The following LCORL variants were observed in gnomAD, a reference collection of about 807,000 sequenced individuals.
LCORL encodes ligand-dependent nuclear receptor corepressor-like protein.
Under a neutral mutation model 141.8 loss-of-function variants are expected in LCORL, and 41 were observed. The ratio of observed to expected loss-of-function variants is 0.29; its 90% CI spans 0.23 to 0.38. The LOEUF is 0.38. Among genes scored for constraint, LCORL ranks in the 10% least tolerant of loss-of-function variants. LCORL has a pLI of 1.00. For synonymous variants in LCORL, 618 were observed against 694.1 expected (o/e 0.89, Z 1.72); for missense variants, 1,759 against 2,035.0 (o/e 0.86, Z 2.61).
chr4:17,969,993 A>G (rs543934770), intron 2 of LCORL, among the ~76,000 whole-genome samples: 1 of 152,276 alleles, frequency 6.6e-6, no homozygotes, highest in Non-Finnish European at 1.5e-5. Flanking sequence ...ATGTACTTTC[A>G]GCTTTGTGAT....
chr4:18,012,379 A>G (rs942503855), intron 1 of LCORL, among the ~76,000 whole-genome samples: 2 of 152,208 alleles, frequency 1.3e-5, no homozygotes, highest in Non-Finnish European at 2.9e-5. Context: ...GTCAGGCAGT[A>G]GGGCAATCTA....
intron 5 of LCORL, among the ~76,000 whole-genome samples, chr4:17,895,717 T>TC (rs1729824454): frequency 6.6e-6 from 1 of 152,198 alleles, no homozygotes; most frequent in South Asian, 2.1e-4. Context: ...GTCCTATGAC[T>TC]CCTGGCCTTT....
At chr4:17,936,637 T>C (rs1736908228) in intron 4 of LCORL, among the ~76,000 whole-genome samples, 1 of 152,216 alleles carries the variant, frequency 6.6e-6, no homozygotes, top group Non-Finnish European at 1.5e-5. Context: ...GAATTTTCAA[T>C]AGCAAGGAAT....
intron 7 of LCORL, among the ~76,000 whole-genome samples, chr4:17,858,748 A>G (rs1317646538): frequency 6.6e-6 from 1 of 151,450 alleles, no homozygotes; most frequent in African/African-American, 2.4e-5. Flanking sequence ...TAATAATAAT[A>G]ATAATAATAG....
At chr4:17,886,243 T>A (rs1728252796) in intron 5 of LCORL, 82 bp from the exon 6 acceptor site, 1 of 776,366 alleles carries the variant, frequency 1.3e-6, no homozygotes, top group Non-Finnish European at 2.2e-6. Context: ...ATTTTGTTGA[T>A]CTAATTCATA....
exon 7 of LCORL, chr4:17,876,215 C>A: frequency 8.1e-7 from 1 of 1,230,926 alleles, no homozygotes; most frequent in Non-Finnish European, 1.0e-6. Flanking sequence ...AAATAGATGA[C>A]TTTTTCAGAT....
intron 4 of LCORL, among the ~76,000 whole-genome samples, chr4:17,948,876 G>C (rs1739293334): frequency 6.6e-6 from 1 of 150,600 alleles, no homozygotes; most frequent in African/African-American, 2.4e-5. Flanking sequence ...AAACGGTACA[G>C]TGAAAGCCAA....
At chr4:17,903,748 T>C (rs963222193) in intron 5 of LCORL, among the ~76,000 whole-genome samples, 7 of 152,000 alleles carry the variant, frequency 4.6e-5, no homozygotes, top group Non-Finnish European at 1.0e-4. Flanking sequence ...AACCATATTT[T>C]AAGTGAGTGT....
In LCORL at chr4:17,874,062, T is replaced by C. The variant is rs1006395005; in HGVS notation, c.4928A>G (p.Glu1643Gly). ...TTGGAGTGGGATGTCAGCATTTGTTTCTCCCTCAGTCTTATTTAAAAATTG... is the reference window on the plus strand; with the variant it reads ...TTGGAGTGGGATGTCAGCATTTGTTCCTCCCTCAGTCTTATTTAAAAATTG... The change falls in exon 7 of 8, where the codon GAA becomes GGA. Residue 1643 changes from glutamate (E) to glycine (G), a missense_variant. Coordinates refer to ENST00000635767, the Ensembl canonical transcript of LCORL. 38 of 1,233,826 alleles carry C rather than the reference T, an allele frequency of 3.1e-5. No individual in the cohort carries two copies. The South Asian group carries it at 1.4e-3, about 45-fold the overall frequency. 76.4% of individuals were successfully genotyped at this position (1,233,826 alleles called of 1,614,324 possible). A position where few individuals can be genotyped will look rare whatever the true frequency, so the allele number is the denominator to read the frequency against.
At chr4:17,872,488 G>T (rs1726468781) in intron 7 of LCORL, among the ~76,000 whole-genome samples, 1 of 152,142 alleles carries the variant, frequency 6.6e-6, no homozygotes, top group African/African-American at 2.4e-5. Context: ...TTACAAATTT[G>T]TGTTGGGTCA....
intron 4 of LCORL, among the ~76,000 whole-genome samples, chr4:17,935,507 A>T (rs1282758373): frequency 6.6e-6 from 1 of 152,158 alleles, no homozygotes; most frequent in Non-Finnish European, 1.5e-5. Context: ...GCTTGGTGCT[A>T]TCCTCAGTAA....
intron 7 of LCORL, among the ~76,000 whole-genome samples, chr4:17,866,538 G>C (rs1333347101): frequency 1.3e-5 from 2 of 151,994 alleles, no homozygotes; most frequent in Non-Finnish European, 2.9e-5. Context: ...TTCTATGTTT[G>C]CATAACACAG....
At chr4:17,926,531 G>A (rs1481152668) in intron 4 of LCORL, among the ~76,000 whole-genome samples, 2 of 152,194 alleles carry the variant, frequency 1.3e-5, no homozygotes, top group South Asian at 2.1e-4. Flanking sequence ...CAGACTGAAC[G>A]CAGCACTGGT....
At chr4:17,850,370 A>C (rs1206589415) in intron 7 of LCORL, among the ~76,000 whole-genome samples, 1 of 150,312 alleles carries the variant, frequency 6.7e-6, no homozygotes, top group Non-Finnish European at 1.5e-5. Context: ...GAAAATTTTC[A>C]CAACCTACTC....
chr4:17,975,895 T>A (rs762245798), intron 1 of LCORL, among the ~76,000 whole-genome samples: 3 of 152,174 alleles, frequency 2.0e-5, no homozygotes, highest in Non-Finnish European at 4.4e-5. Flanking sequence ...TGATTGATAA[T>A]GTTCTTTGGG....
rs985173021 is a variant in LCORL, at chr4:17,881,598, T to A, written c.777-3385A>T. The A allele has an allele frequency of 4.1e-6, 4 of 981,104 alleles. No individual in the cohort carries two copies. The Admixed American group carries it at 2.5e-4, about 61-fold the overall frequency. The allele number at this position is 981,104 out of a possible 1,614,324, so 60.8% of individuals were successfully genotyped here. A position where few individuals can be genotyped will look rare whatever the true frequency, so the allele number is the denominator to read the frequency against. On this transcript the variant is annotated intron_variant, in intron 6 of 7. Transcript: ENST00000635767. ...GTCAATAGCAAAATGATCCCTGATTTATGAATCCTGTAAAGTTTTTGGTCA... is the reference window on the plus strand; with the variant it reads ...GTCAATAGCAAAATGATCCCTGATTAATGAATCCTGTAAAGTTTTTGGTCA...
intron 5 of LCORL, among the ~76,000 whole-genome samples, chr4:17,896,594 G>T (rs910625348): frequency 5.9e-5 from 9 of 151,980 alleles, no homozygotes; most frequent in Admixed American, 2.0e-4. Context: ...TGTTTCTTTT[G>T]TAAGTTTTAA....
intron 4 of LCORL, among the ~76,000 whole-genome samples, chr4:17,915,415 T>A (rs1053023521): frequency 6.6e-6 from 1 of 152,242 alleles, no homozygotes. Context: ...TAAATGTCTG[T>A]TGTTTGAAAC....
At chr4:17,867,633 G>C (rs1409261238) in intron 7 of LCORL, among the ~76,000 whole-genome samples, 1 of 152,134 alleles carries the variant, frequency 6.6e-6, no homozygotes, top group African/African-American at 2.4e-5. Flanking sequence ...ATATCTTCTA[G>C]ATAAATTCCT....
Sources: allele counts gnomAD v4.1 joint callset (sites outside exome capture counted in the v4.1 genomes callset), GRCh38; gene constraint gnomAD v4.1.1; transcripts MANE v1.5; gene names NCBI Gene and HGNC (gene_info 2026-07-23, HGNC 2026-07-21).